Variants in CSGALNACT1 observed in about 807,000 individuals in gnomAD.
CSGALNACT1 encodes the protein beta4GalNAcT-1.
CSGALNACT1 carries 52 observed loss-of-function variants against 51.0 expected under a neutral mutation model. The observed-to-expected ratio is 1.02, with a 90% CI of 0.82 to 1.29. The LOEUF (loss-of-function observed/expected upper bound fraction) is 1.29, where lower values mean the gene tolerates loss of function less well. Ranked by LOEUF, CSGALNACT1 falls within the 50% of genes most tolerant of loss-of-function variation. The pLI, the probability that CSGALNACT1 is intolerant of heterozygous loss-of-function variation, is 0.00. For missense variants in CSGALNACT1, 935 were observed against 679.2 expected (o/e 1.38, Z -4.19); for synonymous variants, 341 against 254.4 (o/e 1.34, Z -3.24).
chr8:19,678,544 T>G (rs1447113621), intron 1 of CSGALNACT1: 1 of 152,208 alleles, frequency 6.6e-6, no homozygotes, highest in Non-Finnish European at 1.5e-5. Context: ...AATGTCCCTG[T>G]GTCCCCAGCT....
intron 1 of CSGALNACT1, among the ~76,000 whole-genome samples, chr8:19,729,702 A>AT (rs1045855968): frequency 6.6e-6 from 1 of 152,192 alleles, no homozygotes; most frequent in African/African-American, 2.4e-5. Flanking sequence ...CACAGAAGAC[A>AT]TGGAGAACAT....
chr8:19,550,208 A>C (rs927933003), intron 3 of CSGALNACT1, among the ~76,000 whole-genome samples: 1 of 151,936 alleles, frequency 6.6e-6, no homozygotes, highest in African/African-American at 2.4e-5. Flanking sequence ...CTGGCCTCAA[A>C]CTCCTGAGCT....
chr8:19,664,658 CACACACATACACACAT>C (rs372796196), intron 1 of CSGALNACT1, among the ~76,000 whole-genome samples: 2 of 151,110 alleles, frequency 1.3e-5, no homozygotes, highest in East Asian at 3.9e-4. Flanking sequence ...CACACACACA[CACACACATACACACAT>C]ACACACATAT....
chr8:19,457,054 T>G (rs533602663), intron 5 of CSGALNACT1, among the ~76,000 whole-genome samples: 11 of 152,300 alleles, frequency 7.2e-5, no homozygotes, highest in Admixed American at 7.2e-4. Flanking sequence ...AGCAGCAGCT[T>G]GACTAGTAAT....
intron 6 of CSGALNACT1, among the ~76,000 whole-genome samples, chr8:19,423,941 G>A (rs1264526546): frequency 6.6e-6 from 1 of 152,158 alleles, no homozygotes; most frequent in South Asian, 2.1e-4. Flanking sequence ...TTTCCATGTG[G>A]ACCATATGGG....
chr8:19,680,034 A>G (rs2060482095), intron 1 of CSGALNACT1, among the ~76,000 whole-genome samples: 1 of 152,168 alleles, frequency 6.6e-6, no homozygotes, highest in Admixed American at 6.5e-5. Flanking sequence ...TTTAGTTCTG[A>G]AAGTTTACTT....
intron 3 of CSGALNACT1, among the ~76,000 whole-genome samples, chr8:19,537,261 C>A (rs1588008568): frequency 6.6e-6 from 1 of 152,108 alleles, no homozygotes; most frequent in South Asian, 2.1e-4. Flanking sequence ...TTTGATGGGA[C>A]AGCTCACCAG....
intron 3 of CSGALNACT1, among the ~76,000 whole-genome samples, chr8:19,514,498 T>TAC: frequency 1.5e-5 from 2 of 136,064 alleles, no homozygotes; most frequent in African/African-American, 5.7e-5. Flanking sequence ...TATATATATA[T>TAC]ATATATATAT....
At chr8:19,710,404 A>C (rs1005312215) in intron 1 of CSGALNACT1, among the ~76,000 whole-genome samples, 1 of 152,194 alleles carries the variant, frequency 6.6e-6, no homozygotes, top group Non-Finnish European at 1.5e-5. Flanking sequence ...GTTCCTGTAA[A>C]AGAAATAGAT....
At chr8:19,603,697 G>A (rs1376045031), upstream of CSGALNACT1, among the ~76,000 whole-genome samples, 1 of 152,126 alleles carries the variant, frequency 6.6e-6, no homozygotes, top group African/African-American at 2.4e-5. Flanking sequence ...TCTTTTCTGT[G>A]TTTTAGCTTG....
intron 4 of CSGALNACT1, among the ~76,000 whole-genome samples, chr8:19,491,563 C>A (rs569515423): frequency 2.8e-4 from 43 of 152,206 alleles, no homozygotes; most frequent in Non-Finnish European, 5.0e-4. Flanking sequence ...TTGTTTTAAA[C>A]TTTATTAGGT....
At chr8:19,731,696 T>C (rs370293862) in intron 1 of CSGALNACT1, among the ~76,000 whole-genome samples, 1 of 152,204 alleles carries the variant, frequency 6.6e-6, no homozygotes, top group African/African-American at 2.4e-5. Context: ...AGGTACTTAA[T>C]GCCACCAAAC....
intron 1 of CSGALNACT1, among the ~76,000 whole-genome samples, chr8:19,654,719 AT>A (rs2058107062): frequency 6.6e-6 from 1 of 151,760 alleles, no homozygotes; most frequent in Non-Finnish European, 1.5e-5. Context: ...AATTTTTTGT[AT>A]TTTTGGTAGA....
intron 1 of CSGALNACT1, among the ~76,000 whole-genome samples, chr8:19,643,250 C>T (rs528730666): frequency 3.3e-5 from 5 of 152,056 alleles, no homozygotes; most frequent in Non-Finnish European, 7.4e-5. Flanking sequence ...TAGGACAATG[C>T]TTTCAGCTAA....
At chr8:19,497,699 A>G (rs1389232658) in intron 4 of CSGALNACT1, among the ~76,000 whole-genome samples, 1 of 152,230 alleles carries the variant, frequency 6.6e-6, no homozygotes, top group South Asian at 2.1e-4. Flanking sequence ...ATTCTGTGAA[A>G]GGAAAATAAA....
At chr8:19,446,075 C>A (rs761751254) in intron 5 of CSGALNACT1, among the ~76,000 whole-genome samples, 2 of 151,836 alleles carry the variant, frequency 1.3e-5, no homozygotes, top group African/African-American at 4.8e-5. Flanking sequence ...TTTGGGAGGC[C>A]GAGGGAGGAG....
At chr8:19,745,723 A>C (rs1019889833) in intron 1 of CSGALNACT1, among the ~76,000 whole-genome samples, 2 of 152,212 alleles carry the variant, frequency 1.3e-5, no homozygotes, top group Admixed American at 1.3e-4. Flanking sequence ...AATATCTGTG[A>C]CTGAAATGCC....
chr8:19,731,037 G>C (rs1299692171), intron 1 of CSGALNACT1, among the ~76,000 whole-genome samples: 1 of 152,148 alleles, frequency 6.6e-6, no homozygotes, highest in Non-Finnish European at 1.5e-5. Context: ...TGGAATTAGG[G>C]GGTGTGAGGC....
intron 4 of CSGALNACT1, among the ~76,000 whole-genome samples, chr8:19,467,340 C>A (rs183370031): frequency 2.0e-5 from 3 of 152,062 alleles, no homozygotes; most frequent in Non-Finnish European, 4.4e-5. Flanking sequence ...CCAGGATGGT[C>A]TCCATCTCCG....
Sources: allele counts gnomAD v4.1 joint callset (sites outside exome capture counted in the v4.1 genomes callset), GRCh38; gene constraint gnomAD v4.1.1; transcripts MANE v1.5; gene names NCBI Gene and HGNC (gene_info 2026-07-23, HGNC 2026-07-21).